The following ATP11A variants were observed in gnomAD, a reference collection of about 807,000 sequenced individuals.
ATP11A encodes the protein ATPase phospholipid transporting 11A.
In ATP11A, 81 loss-of-function variants were observed where a neutral mutation model predicts 154.4. The observed-to-expected ratio is 0.52, with a 90% CI of 0.44 to 0.63. ATP11A has a LOEUF of 0.63. Among genes scored for constraint, ATP11A ranks in the 30% least tolerant of loss-of-function variants. The pLI, the probability that ATP11A is intolerant of heterozygous loss-of-function variation, is 0.00. For missense variants in ATP11A, 1,316 were observed against 1,474.3 expected, an observed-to-expected ratio of 0.89 and a Z score of 1.76; for synonymous variants, 623 against 585.9, an observed-to-expected ratio of 1.06 and a Z score of -0.91.
chr13:112,693,108 G>A (rs1292589501), intron 1 of ATP11A, among the ~76,000 whole-genome samples: 4 of 152,240 alleles, frequency 2.6e-5, no homozygotes, highest in Non-Finnish European at 5.9e-5. Context: ...GATTAACCCT[G>A]GAGAGATAGC....
At chr13:112,734,780 G>A (rs1365124876) in intron 1 of ATP11A, among the ~76,000 whole-genome samples, 1 of 151,270 alleles carries the variant, frequency 6.6e-6, no homozygotes, top group African/African-American at 2.5e-5. Flanking sequence ...AGCCGCACTT[G>A]GGGGGGATCA....
intron 2 of ATP11A, among the ~76,000 whole-genome samples, chr13:112,793,828 A>T (rs2077926184): frequency 6.6e-6 from 1 of 152,230 alleles, no homozygotes; most frequent in African/African-American, 2.4e-5. Flanking sequence ...TCGCAGCCAG[A>T]GGCCAGAGGC....
At chr13:112,877,105 C>G (rs777189576) in intron 28 of ATP11A, among the ~76,000 whole-genome samples, 2 of 152,222 alleles carry the variant, frequency 1.3e-5, no homozygotes, top group Non-Finnish European at 2.9e-5. Flanking sequence ...AAAATGTCCA[C>G]ACACAGCTCC....
intron 25 of ATP11A, among the ~76,000 whole-genome samples, chr13:112,864,561 C>G (rs1405421556): frequency 3.1e-5 from 2 of 64,524 alleles, no homozygotes; most frequent in East Asian, 1.1e-3. Context: ...TTCAGTGCGG[C>G]CCATGCAGCT....
At chr13:112,781,402 G>T (rs1000546450) in intron 1 of ATP11A, among the ~76,000 whole-genome samples, 1 of 152,136 alleles carries the variant, frequency 6.6e-6, no homozygotes, top group South Asian at 2.1e-4. Context: ...ATTCAAGACC[G>T]GTGAGGTTCA....
rs80248024 is a variant in ATP11A, at chr13:112,816,677, T to C, written c.570+466T>C. On this transcript the variant is annotated intron_variant, in intron 6 of 29. Coordinates refer to ENST00000375645, the MANE Select transcript of ATP11A (RefSeq NM_015205.3). ...AGTCCTCGTGTTGTACGTTGGGTTT[T>C]TGGACAGTTCATCCTAAATAATGCT... 3.6e-3 allele frequency among the ~76,000 whole-genome samples: 554 copies of C among 152,320 alleles called. 3 individuals are homozygous for C. The highest frequency in any genetic ancestry group is 0.013 in the African/African-American group (532 of 41,578).
At chr13:112,863,590 C>T (rs2080200903) in intron 25 of ATP11A, among the ~76,000 whole-genome samples, 1 of 150,478 alleles carries the variant, frequency 6.6e-6, no homozygotes. Flanking sequence ...CAGTGCGGCC[C>T]ATGCAGCTTC....
rs1176974616 is a variant in ATP11A at position 112,854,549 on chromosome 13, C to T, written c.2243+19C>T. On this transcript the variant is annotated intron_variant, in intron 19 of 29. Coordinates refer to ENST00000375645, the MANE Select transcript of ATP11A (RefSeq NM_015205.3). Reference sequence around the variant, plus strand: ...TGTCCGGGTAGGCAGCGCGTCCCCGCCCCCACCCCCACACTCCCGCAAAAG... The same window carrying T: ...TGTCCGGGTAGGCAGCGCGTCCCCGTCCCCACCCCCACACTCCCGCAAAAG... The T allele has an allele frequency of 3.1e-6, 5 of 1,592,642 alleles. No individual in the cohort carries two copies. The highest frequency in any genetic ancestry group is 4.3e-6 in the Non-Finnish European group (5 of 1,172,158).
rs2079313359 is a variant in ATP11A, at chr13:112,838,873, AGAGGTTCACTAATTGCACTG to A, written c.1705+2626_1705+2645del. Among the ~76,000 whole-genome samples the A allele has an allele frequency of 6.6e-6, 1 of 152,154 alleles. No individual in the cohort carries two copies. Among genetic ancestry groups the A allele is most frequent in the African/African-American group, 2.4e-5 (1 of 41,454 alleles). On this transcript the variant is annotated intron_variant, in intron 16 of 29. Coordinates refer to ENST00000375645, the MANE Select transcript of ATP11A (RefSeq NM_015205.3). The surrounding 1 kb of genome is among the most constrained non-coding windows in gnomAD (Gnocchi z 7.3). ...TTCTGTAAGTAGTAGTCATCCCCGG[AGAGGTTCACTAATTGCACTG>A]GAGTTCTCCCTGCTGGGCGGGGAGA...
intron 2 of ATP11A, among the ~76,000 whole-genome samples, chr13:112,794,645 G>A (rs530345615): frequency 1.3e-5 from 2 of 152,252 alleles, no homozygotes; most frequent in South Asian, 2.1e-4. Context: ...CGAAGCGGGC[G>A]GATCACGAGG....
rs1050254579 is a variant in ATP11A, at chr13:112,882,800, C to G, written c.*934C>G. 2.5e-6 allele frequency: 1 copy of G among 399,152 alleles called. No homozygotes were observed. The highest frequency in any genetic ancestry group is 2.1e-5 in the African/African-American group (1 of 48,630). The allele number at this position is 399,152 out of a possible 1,614,324, so 24.7% of individuals were successfully genotyped here. A position where few individuals can be genotyped will look rare whatever the true frequency, so the allele number is the denominator to read the frequency against. The stretch of plus-strand genomic sequence containing the variant: ...ATGTTGATTTCGCGGGTGCGAGGGC[C>G]GGGAGACAGATACTTGGCTGTGATG... On this transcript the variant is annotated 3_prime_UTR_variant, in exon 30 of 30. Coordinates refer to ENST00000375645, the MANE Select transcript of ATP11A (RefSeq NM_015205.3). This position sits in a 1 kb window ranked among gnomAD's most constrained non-coding sequence, Gnocchi z 5.1.
intron 2 of ATP11A, among the ~76,000 whole-genome samples, chr13:112,791,299 A>C (rs531525087): frequency 2.0e-5 from 3 of 152,238 alleles, no homozygotes; most frequent in Non-Finnish European, 4.4e-5. Flanking sequence ...CCCCCTGCAC[A>C]GTGTGGCTCA....
At chr13:112,822,464 C>G (rs953121588) in intron 8 of ATP11A, among the ~76,000 whole-genome samples, 1 of 151,990 alleles carries the variant, frequency 6.6e-6, no homozygotes, top group Non-Finnish European at 1.5e-5. Flanking sequence ...ATTTACATGT[C>G]CCCCCCATTC....
chr13:112,819,423 G>A lies in ATP11A; in HGVS notation c.674+16G>A. ...ACCTCTACAAGTAAGCGGGAGCTTTGGGTTCTTTAGAAACGGTTTTTTATG... is the reference window on the plus strand; with the variant it reads ...ACCTCTACAAGTAAGCGGGAGCTTTAGGTTCTTTAGAAACGGTTTTTTATG... On this transcript the variant is annotated intron_variant, in intron 7 of 29. Coordinates refer to ENST00000375645, the MANE Select transcript of ATP11A (RefSeq NM_015205.3). 1 of 1,613,226 alleles carries A rather than the reference G, an allele frequency of 6.2e-7. No homozygotes were observed. The highest frequency in any genetic ancestry group is 1.1e-5 in the South Asian group (1 of 91,016).
intron 8 of ATP11A, among the ~76,000 whole-genome samples, chr13:112,820,524 A>G (rs1437642458): frequency 2.0e-5 from 3 of 152,198 alleles, no homozygotes; most frequent in Non-Finnish European, 4.4e-5. Context: ...GTCACATCGC[A>G]TACCCATGAG....
intron 1 of ATP11A, among the ~76,000 whole-genome samples, chr13:112,762,918 G>A (rs1216622999): frequency 6.6e-6 from 1 of 152,230 alleles, no homozygotes; most frequent in Non-Finnish European, 1.5e-5. Flanking sequence ...TGAGGCAGAC[G>A]GTGGCAGTGA....
intron 29 of ATP11A, chr13:112,880,769 C>T: frequency 1.7e-6 from 2 of 1,162,470 alleles, no homozygotes; most frequent in Non-Finnish European, 2.2e-6. Context: ...GAAAGAGCAG[C>T]CCTCTTTACA....
intron 1 of ATP11A, among the ~76,000 whole-genome samples, chr13:112,759,307 T>G (rs1347084194): frequency 6.6e-6 from 1 of 152,192 alleles, no homozygotes; most frequent in South Asian, 2.1e-4. Flanking sequence ...TGTCTTGCTC[T>G]GAAGCAGAGG....
chr13:112,857,734 T>A, intron 20 of ATP11A, 84 bp from the exon 21 acceptor site: 1 of 1,132,356 alleles, frequency 8.8e-7, no homozygotes, highest in Non-Finnish European at 1.3e-6. Flanking sequence ...TAACTTTTCA[T>A]CTTTGTTATT....
Sources: gnomAD v4.1 joint callset for allele counts (sites outside exome capture counted in the v4.1 genomes callset) on GRCh38, gnomAD v4.1.1 for gene constraint, Gnocchi (gnomAD v3.1) non-coding constraint, MANE v1.5 for transcripts, NCBI Gene and HGNC (gene_info 2026-07-23, HGNC 2026-07-21) for gene names.